WDR4: variants seen among roughly 807,000 people sequenced by gnomAD.
WDR4 encodes WDR4 tRNA N7-guanosine methyltransferase non-catalytic subunit, also known as tRNA (guanine-N(7)-)-methyltransferase non-catalytic subunit WDR4.
Under a neutral mutation model 48.6 loss-of-function variants are expected in WDR4, and 47 were observed. That is an observed-to-expected ratio of 0.97 (90% CI 0.77 to 1.23). The LOEUF (loss-of-function observed/expected upper bound fraction) is 1.23. WDR4 is among the 50% of genes most tolerant of loss of function. The probability of loss-of-function intolerance (pLI) is 0.00; values close to 1 mark genes in which losing one functional copy is unlikely to be tolerated. For missense variants in WDR4, 606 were observed against 551.6 expected (o/e 1.10, Z -0.99); for synonymous variants, 268 against 230.0 (o/e 1.17, Z -1.49).
the WDR4 span, among the ~76,000 whole-genome samples, chr21:42,892,203 A>G: frequency 2.0e-5 from 3 of 150,862 alleles, no homozygotes; most frequent in African/African-American, 7.3e-5. Flanking sequence ...GCAATGAGCC[A>G]AGATGGCGCC....
chr21:42,855,864 C>G, intron 6 of WDR4, 84 bp from the exon 7 acceptor site: 1 of 1,141,672 alleles, frequency 8.8e-7, no homozygotes, highest in Non-Finnish European at 1.2e-6. Context: ...TGCGTGTGGT[C>G]GGGGTTCCAC....
At chr21:42,870,328 G>A (rs8134940) in intron 3 of WDR4, among the ~76,000 whole-genome samples, 1 of 151,932 alleles carries the variant, frequency 6.6e-6, no homozygotes, top group African/African-American at 2.4e-5. Context: ...TCCAGCCTGG[G>A]TGACAGAGCG....
chr21:42,886,978 C>T, the WDR4 span: 1 of 152,284 alleles, frequency 6.6e-6, no homozygotes, highest in Admixed American at 6.5e-5. Flanking sequence ...TCATGCCCCA[C>T]CACTACTTTT....
intron 3 of WDR4, among the ~76,000 whole-genome samples, chr21:42,870,750 T>C (rs2058352436): frequency 6.6e-6 from 1 of 151,430 alleles, no homozygotes; most frequent in Non-Finnish European, 1.5e-5. Context: ...GATCACGCCA[T>C]TGCACTCCAG....
downstream of WDR4, among the ~76,000 whole-genome samples, chr21:42,845,627 A>G (rs2057704187): frequency 1.3e-5 from 2 of 152,314 alleles, no homozygotes; most frequent in Admixed American, 1.3e-4. Flanking sequence ...GCTCCCTGCA[A>G]AACTCCACAC....
At chr21:42,854,987 G>A (rs1107830) in intron 7 of WDR4, among the ~76,000 whole-genome samples, 39,196 of 152,026 alleles carry the variant, frequency 0.26, 6,762 homozygotes, top group African/African-American at 0.5. Flanking sequence ...CCTGGCAGAG[G>A]AAATATTAAA....
downstream of WDR4, among the ~76,000 whole-genome samples, chr21:42,847,843 G>A (rs1371853804): frequency 6.6e-6 from 1 of 152,166 alleles, no homozygotes; most frequent in East Asian, 1.9e-4. Context: ...CCTATTTTAG[G>A]TGAAGATGCC....
the WDR4 span, among the ~76,000 whole-genome samples, chr21:42,886,221 TGCTGGGATTACAG>T: frequency 2.0e-5 from 3 of 152,178 alleles, no homozygotes; most frequent in African/African-American, 7.2e-5. Context: ...CCTCCCAAAG[TGCTGGGATTACAG>T]GCATGAGCCA....
chr21:42,871,991 T>G (rs1264804162), intron 3 of WDR4, among the ~76,000 whole-genome samples: 3 of 24,784 alleles, frequency 1.2e-4, no homozygotes, highest in Non-Finnish European at 2.8e-4. Context: ...AGAATTTGGC[T>G]TTTTTTTTTT....
In WDR4 at chr21:42,859,866, G is replaced by A. The variant is rs555568829; in HGVS notation, c.567-144C>T. The A allele has an allele frequency of 4.7e-4, 398 of 851,642 alleles. 6 individuals carry two copies. The South Asian group carries it at 6.0e-3, about 13-fold the overall frequency. The allele number at this position is 851,642 out of a possible 1,614,324, so 52.8% of individuals were successfully genotyped here. On this transcript the variant is annotated intron_variant, in intron 5 of 10. Coordinates refer to ENST00000398208, the MANE Select transcript of WDR4 (RefSeq NM_018669.6). ...CCAATAAAAACAGCCAACATGGGAA[G>A]TAGCTGTTAACCCTAACCTGGTTAG...
rs779630985 is a variant in WDR4, at chr21:42,879,484, A to C, written c.12T>G (p.Ser4=). Residue 4 remains serine, a synonymous_variant, in exon 1 of 11, where the codon TCT becomes TCG. Coordinates refer to ENST00000398208, the MANE Select transcript of WDR4 (RefSeq NM_018669.6). The stretch of plus-strand genomic sequence containing the variant: ...TCTGCCCGCACAACGCCAGTCCCAC[A>C]GAGCCCGCCATGTACCCGCCCGCCT... The part of the protein sequence containing the change: MAG[S]VGLALCGQTL... 6.2e-7 allele frequency: 1 copy of C among 1,613,444 alleles called. No individual in the cohort carries two copies. The highest frequency in any genetic ancestry group is 2.2e-5 in the East Asian group (1 of 44,848).
At chr21:42,853,373 G>A (rs1340386808) in intron 9 of WDR4, among the ~76,000 whole-genome samples, 196 bp downstream of exon 9, 2 of 152,182 alleles carry the variant, frequency 1.3e-5, no homozygotes, top group South Asian at 2.1e-4. Flanking sequence ...AGCCAGCCAC[G>A]CCGGCCTGGC....
At chr21:42,847,616 C>G (rs1163763703), downstream of WDR4, among the ~76,000 whole-genome samples, 1 of 152,148 alleles carries the variant, frequency 6.6e-6, no homozygotes, top group Admixed American at 6.5e-5. Context: ...ACTCTGCAGC[C>G]GTAGCACAAA....
At chr21:42,857,247 C>G (rs1008340055) in intron 6 of WDR4, among the ~76,000 whole-genome samples, 1 of 152,108 alleles carries the variant, frequency 6.6e-6, no homozygotes, top group Non-Finnish European at 1.5e-5. Context: ...AGTCACCTAG[C>G]CCCTTCGCAC....
At chr21:42,863,401 C>G in intron 4 of WDR4, 39 bp downstream of exon 4, 1 of 1,590,804 alleles carries the variant, frequency 6.3e-7, no homozygotes, top group Non-Finnish European at 8.6e-7. Context: ...CCGTGTCCCA[C>G]ACCTGCCATG....
intron 10 of WDR4, 143 bp downstream of exon 10, chr21:42,852,112 G>T: frequency 1.1e-6 from 1 of 870,164 alleles, no homozygotes. Context: ...GCCCTGCCCC[G>T]CCTTCTGGAT....
intron 10 of WDR4, among the ~76,000 whole-genome samples, chr21:42,851,865 G>A (rs2057839115): frequency 6.6e-6 from 1 of 152,130 alleles, no homozygotes; most frequent in African/African-American, 2.4e-5. Context: ...GTGAGGCCCT[G>A]CACTTACTGA....
chr21:42,860,016 G>A (rs1013110151), intron 5 of WDR4, among the ~76,000 whole-genome samples: 4 of 152,106 alleles, frequency 2.6e-5, no homozygotes, highest in Admixed American at 6.5e-5. Flanking sequence ...AGACCCAAGC[G>A]CCTCTGTGCC....
chr21:42,892,885 A>G, the WDR4 span, among the ~76,000 whole-genome samples: 1 of 152,236 alleles, frequency 6.6e-6, no homozygotes. Context: ...AAAACCTCTC[A>G]AAACACAGAA....
Sources: allele counts gnomAD v4.1 joint callset (sites outside exome capture counted in the v4.1 genomes callset), GRCh38; gene constraint gnomAD v4.1.1; transcripts MANE v1.5; gene names NCBI Gene and HGNC (gene_info 2026-07-23, HGNC 2026-07-21).